Variants in USP13 observed in about 807,000 individuals in gnomAD.
USP13 encodes the protein ubiquitin carboxyl-terminal hydrolase 13.
In USP13, 68 loss-of-function variants were observed where a neutral mutation model predicts 107.8. The ratio of observed to expected loss-of-function variants is 0.63; its 90% CI spans 0.52 to 0.77. USP13 has a LOEUF of 0.77. USP13 is among the 30% of genes least tolerant of loss of function. The pLI is 0.00. For missense variants in USP13, 945 were observed against 1,093.3 expected (o/e 0.86, Z 1.91); for synonymous variants, 377 against 389.5 (o/e 0.97, Z 0.38).
intron 8 of USP13, among the ~76,000 whole-genome samples, chr3:179,728,288 T>G (rs1365305012): frequency 1.4e-4 from 16 of 116,970 alleles, no homozygotes; most frequent in South Asian, 2.9e-4. Flanking sequence ...GGGCGGAGGG[T>G]CTCCTCACTT....
At chr3:179,684,284 C>G (rs1303164060) in intron 2 of USP13, among the ~76,000 whole-genome samples, 1 of 146,546 alleles carries the variant, frequency 6.8e-6, no homozygotes, top group African/African-American at 2.6e-5. Context: ...CACACACACA[C>G]ACACACACAC....
In USP13 at chr3:179,785,315, G is replaced by T. The variant is rs1715888528; in HGVS notation, c.*1174G>T. On this transcript the variant is annotated 3_prime_UTR_variant, in exon 21 of 21. Coordinates refer to ENST00000263966, the MANE Select transcript of USP13 (RefSeq NM_003940.3). ...CATTGCTTGTCTGATGTGACCAACA[G>T]TGTGATCTTGGACACACTAAGGATT... is the stretch of plus-strand genomic sequence containing the variant. 1 of 152,116 alleles carries T rather than the reference G, an allele frequency of 6.6e-6. No homozygotes were observed. The highest frequency in any genetic ancestry group is 1.5e-5 in the Non-Finnish European group (1 of 68,044). 9.4% of individuals were successfully genotyped at this position (152,116 alleles called of 1,614,324 possible).
At chr3:179,688,875 A>G (rs1035620421) in intron 2 of USP13, among the ~76,000 whole-genome samples, 11 of 152,256 alleles carry the variant, frequency 7.2e-5, no homozygotes, top group Non-Finnish European at 1.6e-4. Flanking sequence ...GCTCTGAGAT[A>G]ATAGAGGAGC....
At chr3:179,688,133 A>ATCCATC (rs1711950755) in intron 2 of USP13, among the ~76,000 whole-genome samples, 2 of 31,966 alleles carry the variant, frequency 6.3e-5, no homozygotes, top group African/African-American at 1.1e-4. Flanking sequence ...ATCCATCCAT[A>ATCCATC]TATCCATCCA....
chr3:179,710,024 C>T (rs760635327), intron 6 of USP13, among the ~76,000 whole-genome samples: 2 of 152,080 alleles, frequency 1.3e-5, no homozygotes, highest in Non-Finnish European at 2.9e-5. Context: ...GCAGTTAGGT[C>T]GTGTCAGGAT....
intron 1 of USP13, among the ~76,000 whole-genome samples, chr3:179,655,897 G>A (rs1720245875): frequency 6.6e-6 from 1 of 152,158 alleles, no homozygotes. Flanking sequence ...AATCCAATAA[G>A]GGATTCTTCA....
chr3:179,706,078 T>C lies in USP13; in HGVS notation c.478-856T>C, dbSNP rs185547474. On this transcript the variant is annotated intron_variant, in intron 4 of 20. Coordinates refer to ENST00000263966, the MANE Select transcript of USP13 (RefSeq NM_003940.3). ...TTATGAACAGTTGTGTACAGGTTTT[T>C]GTGTGGACACATATTTTCATTTCTC... 2.0e-3 allele frequency among the ~76,000 whole-genome samples: 298 copies of C among 151,732 alleles called. 2 individuals carry two copies. Among genetic ancestry groups the C allele is most frequent in the African/African-American group, 6.9e-3 (286 of 41,418 alleles).
At chr3:179,682,139 C>G in intron 2 of USP13, 136 bp downstream of exon 2, 1 of 1,147,924 alleles carries the variant, frequency 8.7e-7, no homozygotes, top group East Asian at 2.6e-5. Context: ...AAAAACAGCA[C>G]TGCTTGCAAA....
intron 6 of USP13, among the ~76,000 whole-genome samples, chr3:179,714,854 C>G (rs1004016271): frequency 2.8e-5 from 4 of 143,044 alleles, no homozygotes; most frequent in Admixed American, 2.3e-4. Flanking sequence ...TGGCGGTTCT[C>G]TTTCTTTTCC....
At chr3:179,763,954 A>C in intron 17 of USP13, 48 bp from the exon 18 acceptor site, 2 of 1,171,810 alleles carry the variant, frequency 1.7e-6, no homozygotes, top group Non-Finnish European at 2.3e-6. Flanking sequence ...TCAGGACAAA[A>C]AAAAAAAAAA....
intron 2 of USP13, among the ~76,000 whole-genome samples, chr3:179,688,025 TCTTA>T (rs1285435387): frequency 1.3e-5 from 2 of 152,074 alleles, no homozygotes; most frequent in Non-Finnish European, 2.9e-5. Flanking sequence ...GTCTAGGATG[TCTTA>T]CTTCTATCCC....
chr3:179,735,439 A>G (rs73885927), intron 10 of USP13, among the ~76,000 whole-genome samples: 2,692 of 151,050 alleles, frequency 0.018, 87 homozygotes, highest in African/African-American at 0.062. Flanking sequence ...TAAAGGAAAA[A>G]TTATTTAAAT....
chr3:179,737,921 CA>C (rs1288481303), intron 10 of USP13, among the ~76,000 whole-genome samples: 2 of 152,190 alleles, frequency 1.3e-5, no homozygotes, highest in African/African-American at 4.8e-5. Context: ...TTCAGCAAGA[CA>C]GGGAAATTCA....
rs11309768 is a variant in USP13, at chr3:179,730,278, A to AT, written c.1160+29dup. 308 of 1,294,782 alleles carry AT rather than the reference A, an allele frequency of 2.4e-4. No homozygotes were observed. Among genetic ancestry groups the AT allele is most frequent in the Admixed American group, 2.9e-4 (14 of 48,164 alleles). 80.2% of individuals were successfully genotyped at this position (1,294,782 alleles called of 1,614,324 possible). ...ACACAGATGTAAGTGCCAGATTTGTATTTTTTTTTTTCTAGAAAAAGCATC... is the reference window on the plus strand; with the variant it reads ...ACACAGATGTAAGTGCCAGATTTGTATTTTTTTTTTTTCTAGAAAAAGCATC... On this transcript the variant is annotated intron_variant, in intron 9 of 20. Coordinates refer to ENST00000263966, the MANE Select transcript of USP13 (RefSeq NM_003940.3).
intron 1 of USP13, among the ~76,000 whole-genome samples, chr3:179,661,186 T>G (rs189030556): frequency 6.6e-4 from 101 of 152,308 alleles, no homozygotes; most frequent in African/African-American, 2.3e-3. Flanking sequence ...ACTTAAAGAC[T>G]CTGGGGTGTC....
intron 1 of USP13, among the ~76,000 whole-genome samples, chr3:179,657,574 A>G (rs567964669): frequency 1.1e-4 from 16 of 151,822 alleles, no homozygotes; most frequent in Admixed American, 9.2e-4. Context: ...CATCCTGGCC[A>G]ACGTGGTGAA....
At chr3:179,778,592 C>T (rs1038413850) in intron 19 of USP13, among the ~76,000 whole-genome samples, 16 of 152,100 alleles carry the variant, frequency 1.1e-4, no homozygotes, top group African/African-American at 3.9e-4. Context: ...GGCGAAACCC[C>T]GTCTCTACTA....
intron 19 of USP13, among the ~76,000 whole-genome samples, chr3:179,781,101 T>A (rs1015209832): frequency 6.6e-5 from 10 of 152,198 alleles, no homozygotes; most frequent in African/African-American, 1.9e-4. Flanking sequence ...TGTTAGAGAA[T>A]AAACATTGGT....
rs1414895738 is a variant in USP13 at position 179,678,913 on chromosome 3, TG to T, written c.169-2963del. On this transcript the variant is annotated intron_variant, in intron 1 of 20. Transcript: ENST00000263966. The surrounding 1 kb of genome is among the most constrained non-coding windows in gnomAD (Gnocchi z 4.2). ...TGTAGATTCCTTAGAATTTTCAATATGGCCTGTACTGTCATTAGGAAATAGA... is the reference window on the plus strand; with the variant it reads ...TGTAGATTCCTTAGAATTTTCAATATGCCTGTACTGTCATTAGGAAATAGA... Among the ~76,000 whole-genome samples the T allele has an allele frequency of 6.6e-6, 1 of 151,486 alleles. No individual in the cohort carries two copies. The highest frequency in any genetic ancestry group is 2.4e-5 in the African/African-American group (1 of 41,176).
Sources: allele counts gnomAD v4.1 joint callset (sites outside exome capture counted in the v4.1 genomes callset), GRCh38; gene constraint gnomAD v4.1.1; non-coding constraint Gnocchi (gnomAD v3.1); transcripts MANE v1.5; gene names NCBI Gene and HGNC (gene_info 2026-07-23, HGNC 2026-07-21).